MDFIC2: variants seen among roughly 807,000 people sequenced by gnomAD.
MDFIC2 encodes MyoD family inhibitor domain containing 2, also known as myoD family inhibitor domain-containing protein 2.
At chr3:70,217,488 A>T (rs1701426458) in intron 2 of MDFIC2, among the ~76,000 whole-genome samples, 1 of 152,130 alleles carries the variant, frequency 6.6e-6, no homozygotes, top group African/African-American at 2.4e-5. Flanking sequence ...GATTGGGAGA[A>T]GTTTGTCTAT....
chr3:70,253,710 A>C (rs929303391), intron 2 of MDFIC2, among the ~76,000 whole-genome samples: 1 of 152,220 alleles, frequency 6.6e-6, no homozygotes, highest in Admixed American at 6.5e-5. Flanking sequence ...GCTACAGTGC[A>C]AAACCCCAAC....
intron 2 of MDFIC2, among the ~76,000 whole-genome samples, chr3:70,300,110 T>C (rs182786989): frequency 6.6e-6 from 1 of 152,258 alleles, no homozygotes; most frequent in African/African-American, 2.4e-5. Context: ...ATGTGCTGCT[T>C]CCTACCTCTG....
intron 2 of MDFIC2, among the ~76,000 whole-genome samples, chr3:70,294,634 G>A (rs1328814771): frequency 3.9e-5 from 6 of 152,034 alleles, no homozygotes; most frequent in South Asian, 2.1e-4. Context: ...AACAGAAAAC[G>A]TCAACTCAAA....
intron 2 of MDFIC2, among the ~76,000 whole-genome samples, chr3:70,269,908 G>A (rs975032179): frequency 1.3e-5 from 2 of 152,042 alleles, no homozygotes; most frequent in African/African-American, 2.4e-5. Flanking sequence ...CTATTCTTAA[G>A]TGACAATAAC....
intron 2 of MDFIC2, among the ~76,000 whole-genome samples, chr3:70,264,065 C>T (rs1701892485): frequency 6.6e-6 from 1 of 152,144 alleles, no homozygotes; most frequent in African/African-American, 2.4e-5. Context: ...CATCTTGTGT[C>T]TAGCACAATC....
chr3:70,203,602 G>A (rs1286446695), intron 3 of MDFIC2, among the ~76,000 whole-genome samples: 5 of 152,052 alleles, frequency 3.3e-5, no homozygotes, highest in African/African-American at 1.2e-4. Flanking sequence ...TTATAAAATT[G>A]AAACATTTTA....
At chr3:70,241,586 A>G (rs1450930893) in intron 2 of MDFIC2, among the ~76,000 whole-genome samples, 1 of 152,100 alleles carries the variant, frequency 6.6e-6, no homozygotes, top group Non-Finnish European at 1.5e-5. Context: ...CTCATTTTAG[A>G]GGTAAGGAAG....
chr3:70,234,469 CA>C (rs1214971220), intron 2 of MDFIC2, among the ~76,000 whole-genome samples: 1 of 151,794 alleles, frequency 6.6e-6, no homozygotes, highest in Non-Finnish European at 1.5e-5. Context: ...GGCAACATAA[CA>C]AAACCCCATC....
chr3:70,311,582 CT>C (rs1702453494), intron 2 of MDFIC2, among the ~76,000 whole-genome samples: 3 of 152,112 alleles, frequency 2.0e-5, no homozygotes, highest in Admixed American at 1.3e-4. Flanking sequence ...GGAGAAAAAT[CT>C]ACAGCACTGC....
chr3:70,206,239 G>C (rs1365762532), intron 3 of MDFIC2, among the ~76,000 whole-genome samples: 1 of 151,916 alleles, frequency 6.6e-6, no homozygotes, highest in Admixed American at 6.6e-5. Context: ...TAGAGTTATA[G>C]ACTGAATAGT....
intron 3 of MDFIC2, among the ~76,000 whole-genome samples, chr3:70,198,997 T>C (rs939558265): frequency 6.6e-6 from 1 of 152,202 alleles, no homozygotes; most frequent in African/African-American, 2.4e-5. Flanking sequence ...TGAAGACCAC[T>C]ACTATAGCAG....
chr3:70,250,446 CACACAA>C (rs773149557), intron 2 of MDFIC2, among the ~76,000 whole-genome samples: 7 of 136,502 alleles, frequency 5.1e-5, no homozygotes, highest in South Asian at 2.2e-4. Context: ...CACACACACA[CACACAA>C]ACACAAACCT....
chr3:70,236,318 A>G (rs536837887), intron 2 of MDFIC2, among the ~76,000 whole-genome samples: 54 of 152,222 alleles, frequency 3.5e-4, no homozygotes, highest in South Asian at 2.1e-4. Context: ...AAGAATGATT[A>G]TCTCCCCTTA....
chr3:70,251,399 T>A (rs1354317126), intron 2 of MDFIC2, among the ~76,000 whole-genome samples: 1 of 152,206 alleles, frequency 6.6e-6, no homozygotes, highest in East Asian at 1.9e-4. Context: ...TGACTATGCA[T>A]CCCAAGATTT....
chr3:70,290,055 C>T (rs1249353930), intron 2 of MDFIC2, among the ~76,000 whole-genome samples: 1 of 152,204 alleles, frequency 6.6e-6, no homozygotes, highest in East Asian at 1.9e-4. Flanking sequence ...CTTCTTCTCT[C>T]AGCTCGTCAA....
At chr3:70,249,197 G>T (rs577240557) in intron 2 of MDFIC2, 1 of 152,242 alleles carries the variant, frequency 6.6e-6, no homozygotes, top group South Asian at 2.1e-4. Flanking sequence ...TGATCTAGAG[G>T]TATGAAGTGA....
At chr3:70,292,272 C>A (rs1702245807) in intron 2 of MDFIC2, among the ~76,000 whole-genome samples, 1 of 152,028 alleles carries the variant, frequency 6.6e-6, no homozygotes, top group African/African-American at 2.4e-5. Flanking sequence ...TCATTGATAA[C>A]AATTATATTT....
At chr3:70,293,658 C>T (rs1398225068) in intron 2 of MDFIC2, among the ~76,000 whole-genome samples, 2 of 151,944 alleles carry the variant, frequency 1.3e-5, no homozygotes, top group Non-Finnish European at 2.9e-5. Flanking sequence ...TAGGCCTGTT[C>T]CTTTCCTTCC....
In MDFIC2 at chr3:70,194,587, A is replaced by G. The variant is rs1435198386; in HGVS notation, c.*2339T>C. Among the ~76,000 whole-genome samples, 1 of 152,210 alleles carries G rather than the reference A, an allele frequency of 6.6e-6. No homozygotes were observed. Among genetic ancestry groups the G allele is most frequent in the Non-Finnish European group, 1.5e-5 (1 of 68,034 alleles). ...GCACAGTGAATTCTGAAAGTGAGGAACAAAGTTAACAAACCGTGGAAAGCA... is the reference window on the plus strand; with the variant it reads ...GCACAGTGAATTCTGAAAGTGAGGAGCAAAGTTAACAAACCGTGGAAAGCA... On this transcript the variant is annotated 3_prime_UTR_variant, in exon 4 of 4. Transcript: ENST00000567252.
Sources: allele counts gnomAD v4.1 joint callset (sites outside exome capture counted in the v4.1 genomes callset), GRCh38; gene constraint gnomAD v4.1.1; transcripts MANE v1.5; gene names NCBI Gene and HGNC (gene_info 2026-07-23, HGNC 2026-07-21).